RIMS2: variants seen among roughly 807,000 people sequenced by gnomAD.
RIMS2 encodes regulating synaptic membrane exocytosis 2, also known as regulating synaptic membrane exocytosis protein 2.
A neutral mutation model predicts 174.4 loss-of-function variants in RIMS2; 59 were observed. That is an observed-to-expected ratio of 0.34 (90% CI 0.27 to 0.42). The LOEUF (loss-of-function observed/expected upper bound fraction) is 0.42. Ranked by LOEUF, RIMS2 falls within the 10% of genes least tolerant of loss-of-function variation. RIMS2 has a pLI of 1.00. For synonymous variants in RIMS2, 606 were observed against 572.5 expected, an observed-to-expected ratio of 1.06 and a Z score of -0.84; for missense variants, 1,620 against 1,666.3, an observed-to-expected ratio of 0.97 and a Z score of 0.48.
intron 19 of RIMS2, among the ~76,000 whole-genome samples, chr8:104,091,151 C>A (rs879471639): frequency 1.3e-5 from 2 of 151,728 alleles, no homozygotes; most frequent in East Asian, 1.9e-4. Context: ...GATCACAAAC[C>A]TAATAATCTA....
chr8:103,572,355 CGATTGGTCCATTTTACAGAGCACT>C (rs1434242548), intron 1 of RIMS2, among the ~76,000 whole-genome samples: 17,577 of 139,276 alleles, frequency 0.13, 1,442 homozygotes, highest in Non-Finnish European at 0.16. Flanking sequence ...CACGCCTTGC[CGATTGGTCCATTTTACAGAGCACT>C]GATTGGTCCA....
chr8:104,132,004 A>G (rs1429708750), intron 19 of RIMS2, among the ~76,000 whole-genome samples: 1 of 152,188 alleles, frequency 6.6e-6, no homozygotes, highest in East Asian at 1.9e-4. Flanking sequence ...AAAAGTAAAG[A>G]TTCTAATTCT....
At chr8:103,834,676 T>TCC (rs2098847839) in intron 3 of RIMS2, among the ~76,000 whole-genome samples, 12 of 120,012 alleles carry the variant, frequency 1.0e-4, no homozygotes, top group Admixed American at 6.6e-4. Flanking sequence ...TCTGAGGTCT[T>TCC]TTTCTTTCTT....
intron 3 of RIMS2, among the ~76,000 whole-genome samples, chr8:103,830,687 T>C (rs900052153): frequency 4.6e-5 from 7 of 152,248 alleles, no homozygotes; most frequent in Admixed American, 4.6e-4. Flanking sequence ...TTTCTCTCAA[T>C]TGCTGAGAGA....
chr8:103,523,096 G>GTGTGTGTGTGCA (rs968602792), intron 1 of RIMS2, among the ~76,000 whole-genome samples: 1 of 151,976 alleles, frequency 6.6e-6, no homozygotes, highest in Non-Finnish European at 1.5e-5. Context: ...GTGTGTTTAT[G>GTGTGTGTGTGCA]TGTGTGTGTG....
chr8:103,792,636 G>GT (rs2098510457), intron 3 of RIMS2, among the ~76,000 whole-genome samples: 7 of 74,258 alleles, frequency 9.4e-5, no homozygotes, highest in East Asian at 4.7e-4. Context: ...TCCAGGAGCT[G>GT]GTTTTTTTTT....
intron 19 of RIMS2, among the ~76,000 whole-genome samples, chr8:104,100,601 T>C (rs910083355): frequency 1.3e-5 from 2 of 151,838 alleles, no homozygotes; most frequent in African/African-American, 4.8e-5. Context: ...GAGGATATTG[T>C]TTCTTATGCT....
At chr8:103,946,116 T>A (rs2083694225) in intron 14 of RIMS2, among the ~76,000 whole-genome samples, 1 of 152,182 alleles carries the variant, frequency 6.6e-6, no homozygotes, top group Non-Finnish European at 1.5e-5. Flanking sequence ...CTACTAGAAC[T>A]AATAAACAAG....
intron 19 of RIMS2, among the ~76,000 whole-genome samples, chr8:104,049,213 G>C (rs911070106): frequency 1.3e-5 from 2 of 151,468 alleles, no homozygotes; most frequent in Non-Finnish European, 1.5e-5. Flanking sequence ...ACGAGGTCAG[G>C]AGATCGAGAC....
intron 19 of RIMS2, among the ~76,000 whole-genome samples, chr8:104,042,471 A>G (rs554392827): frequency 2.1e-4 from 32 of 151,752 alleles, no homozygotes; most frequent in African/African-American, 7.7e-4. Context: ...GAATAGTGTA[A>G]TGAATCAGTT....
At chr8:104,149,800 T>C (rs1280403236) in intron 19 of RIMS2, among the ~76,000 whole-genome samples, 1 of 152,168 alleles carries the variant, frequency 6.6e-6, no homozygotes, top group Non-Finnish European at 1.5e-5. Flanking sequence ...CCGGCTAATC[T>C]TGATTTTTGC....
intron 1 of RIMS2, among the ~76,000 whole-genome samples, chr8:103,625,026 G>T (rs1282535251): frequency 1.3e-5 from 2 of 152,144 alleles, no homozygotes; most frequent in Admixed American, 6.6e-5. Flanking sequence ...TATCCTGTCA[G>T]ATTCTTTAAT....
At chr8:103,795,028 A>T (rs931355514) in intron 3 of RIMS2, among the ~76,000 whole-genome samples, 1 of 152,178 alleles carries the variant, frequency 6.6e-6, no homozygotes, top group Non-Finnish European at 1.5e-5. Flanking sequence ...TCAGTGTGGC[A>T]ATTCCTCAGG....
chr8:103,852,414 C>CT (rs551156624), intron 3 of RIMS2, among the ~76,000 whole-genome samples: 36,196 of 141,738 alleles, frequency 0.26, 4,591 homozygotes, highest in Non-Finnish European at 0.28. Flanking sequence ...AAAGCATTTT[C>CT]TTTTTTTTTT....
At chr8:103,841,793 A>G (rs2098941246) in intron 3 of RIMS2, among the ~76,000 whole-genome samples, 2 of 152,036 alleles carry the variant, frequency 1.3e-5, no homozygotes, top group Admixed American at 6.5e-5. Context: ...TGTCTCTACT[A>G]AAAATACAAA....
chr8:103,935,771 G>A (rs992559207), intron 12 of RIMS2, among the ~76,000 whole-genome samples: 1 of 152,168 alleles, frequency 6.6e-6, no homozygotes, highest in African/African-American at 2.4e-5. Flanking sequence ...TGGTCAGGAA[G>A]AAATATTTGA....
At chr8:103,936,323 A>G (rs1376123782) in intron 12 of RIMS2, among the ~76,000 whole-genome samples, 2 of 152,170 alleles carry the variant, frequency 1.3e-5, no homozygotes, top group Non-Finnish European at 2.9e-5. Flanking sequence ...CATGGAAAAA[A>G]TTTAACATTT....
chr8:103,626,668 T>A (rs1226828811), intron 1 of RIMS2, among the ~76,000 whole-genome samples: 1 of 152,208 alleles, frequency 6.6e-6, no homozygotes, highest in African/African-American at 2.4e-5. Flanking sequence ...TCTTTCTATT[T>A]TCCCTAAATG....
intron 3 of RIMS2, among the ~76,000 whole-genome samples, chr8:103,858,676 C>T (rs577815551): frequency 7.0e-6 from 1 of 143,632 alleles, no homozygotes; most frequent in Admixed American, 7.0e-5. Context: ...TATATATATA[C>T]GTGTGTGTGT....
Sources: allele counts gnomAD v4.1 joint callset (sites outside exome capture counted in the v4.1 genomes callset), GRCh38; gene constraint gnomAD v4.1.1; transcripts MANE v1.5; gene names NCBI Gene and HGNC (gene_info 2026-07-23, HGNC 2026-07-21).